MFHAS1: variants seen among roughly 807,000 people sequenced by gnomAD.
The protein encoded by MFHAS1 is multifunctional ROCO family signaling regulator 1, also known as malignant fibrous histiocytoma-amplified sequence 1.
MFHAS1 carries 50 observed loss-of-function variants against 70.4 expected under a neutral mutation model. The observed-to-expected ratio is 0.71, with a 90% CI of 0.57 to 0.90. The LOEUF (loss-of-function observed/expected upper bound fraction) is 0.90. MFHAS1 is among the 40% of genes least tolerant of loss of function. The probability of loss-of-function intolerance (pLI) is 0.00; values close to 1 mark genes in which losing one functional copy is unlikely to be tolerated. For synonymous variants in MFHAS1, 952 were observed against 620.0 expected (o/e 1.54, Z -7.96); for missense variants, 1,795 against 1,347.6 (o/e 1.33, Z -5.20).
In MFHAS1 at chr8:8,890,452, G is replaced by C. The variant is rs1214884345; in HGVS notation, c.2607C>G (p.Asn869Lys). The C allele has an allele frequency of 2.5e-6, 4 of 1,613,922 alleles. No homozygotes were observed. Among genetic ancestry groups the C allele is most frequent in the Non-Finnish European group, 3.4e-6 (4 of 1,180,040 alleles). The change falls in exon 1 of 3, where the codon AAC (asparagine) becomes AAG (lysine). Residue 869 changes from asparagine (N) to lysine (K), a missense_variant. Coordinates refer to ENST00000276282, the MANE Select transcript of MFHAS1 (RefSeq NM_004225.3). ...CAGCCACAAAAGACTGCCCAGCTAG[G>C]TTGGTCCCATTAATCCAGGCTTCTG... ...PHAEAWINGT[N>K]LAGQSFVAEQ...
intron 1 of MFHAS1, among the ~76,000 whole-genome samples, chr8:8,855,137 TGA>T (rs1362509749): frequency 1.3e-5 from 2 of 152,162 alleles, no homozygotes; most frequent in Admixed American, 1.3e-4. Context: ...TATTTCTTGT[TGA>T]GAGAGGTCTC....
intron 2 of MFHAS1, among the ~76,000 whole-genome samples, chr8:8,795,497 G>C (rs772514637): frequency 6.6e-6 from 1 of 152,228 alleles, no homozygotes; most frequent in Non-Finnish European, 1.5e-5. Flanking sequence ...ATTAAACTAT[G>C]CACATGATAG....
At chr8:8,797,031 C>G (rs4841041) in intron 2 of MFHAS1, among the ~76,000 whole-genome samples, 119,119 of 151,726 alleles carry the variant, frequency 0.79, 46,867 homozygotes, top group East Asian at 0.91. Context: ...CTTTTTGGTT[C>G]CATATACCTG....
At chr8:8,811,688 C>A (rs1028804749) in intron 1 of MFHAS1, among the ~76,000 whole-genome samples, 1 of 152,226 alleles carries the variant, frequency 6.6e-6, no homozygotes, top group Non-Finnish European at 1.5e-5. Context: ...ATTTTCCTTA[C>A]TCACTGTGGG....
At chr8:8,796,860 G>C (rs1340128051) in intron 2 of MFHAS1, among the ~76,000 whole-genome samples, 3 of 151,206 alleles carry the variant, frequency 2.0e-5, no homozygotes, top group Non-Finnish European at 4.4e-5. Flanking sequence ...GCTGGGCATG[G>C]TGGTGGGCGC....
Position 8,785,847 on chromosome 8 carries a change from C to A in MFHAS1, c.*175G>T, listed in dbSNP as rs1421963184. 5 of 501,476 alleles carry A rather than the reference C, an allele frequency of 1.0e-5. No homozygotes were observed. In the East Asian group the frequency reaches 1.1e-4, roughly 11 times the overall value. The allele number at this position is 501,476 out of a possible 1,614,324, so 31.1% of individuals were successfully genotyped here. ...CCATGTTCTCGTCCATGCTTCCCCCCACCACCCCCTCCCCACCTCTTCCCC... is the reference window on the plus strand; with the variant it reads ...CCATGTTCTCGTCCATGCTTCCCCCAACCACCCCCTCCCCACCTCTTCCCC... On this transcript the variant is annotated 3_prime_UTR_variant, in exon 3 of 3. Coordinates refer to ENST00000276282, the MANE Select transcript of MFHAS1 (RefSeq NM_004225.3).
intron 1 of MFHAS1, among the ~76,000 whole-genome samples, chr8:8,822,552 A>G (rs1807000574): frequency 6.9e-6 from 1 of 144,972 alleles, no homozygotes; most frequent in African/African-American, 2.6e-5. Flanking sequence ...GGAGACAGTG[A>G]CCCAAGTCAG....
At chr8:8,804,815 G>A (rs1315664327) in intron 1 of MFHAS1, among the ~76,000 whole-genome samples, 9 of 152,348 alleles carry the variant, frequency 5.9e-5, no homozygotes, top group South Asian at 2.1e-4. Flanking sequence ...GATGACGGGC[G>A]CCTTTCAGTT....
intron 1 of MFHAS1, among the ~76,000 whole-genome samples, chr8:8,806,118 G>A (rs1563182004): frequency 6.6e-6 from 1 of 152,082 alleles, no homozygotes; most frequent in East Asian, 1.9e-4. Flanking sequence ...TCTTCCTCCT[G>A]CTTTCTCTGT....
chr8:8,834,041 G>A lies in MFHAS1; in HGVS notation c.2999-36550C>T, dbSNP rs113658248. On this transcript the variant is annotated intron_variant, in intron 1 of 2. Transcript: ENST00000276282. ...CTCAGGAGGTTGAGGCATGAGAATC[G>A]CTTGAACCCGGGAGGCGGAGGCTGC... 5.9e-3 allele frequency among the ~76,000 whole-genome samples: 896 copies of A among 152,082 alleles called. 5 individuals are homozygous for A. The highest frequency in any genetic ancestry group is 9.6e-3 in the Non-Finnish European group (656 of 67,984).
intron 1 of MFHAS1, among the ~76,000 whole-genome samples, chr8:8,812,698 G>C (rs1806594338): frequency 6.6e-6 from 1 of 152,176 alleles, no homozygotes; most frequent in Non-Finnish European, 1.5e-5. Context: ...TTTGCTTTGT[G>C]CTTGTTTTTG....
chr8:8,889,860 G>A (rs1008307735), intron 1 of MFHAS1, among the ~76,000 whole-genome samples: 1 of 152,178 alleles, frequency 6.6e-6, no homozygotes, highest in Non-Finnish European at 1.5e-5. Context: ...GTTAGGAGAG[G>A]ATGACACTTG....
intron 1 of MFHAS1, among the ~76,000 whole-genome samples, chr8:8,801,688 A>G (rs369735185): frequency 6.6e-6 from 1 of 152,216 alleles, no homozygotes; most frequent in East Asian, 1.9e-4. Flanking sequence ...AATAAAGTGC[A>G]TTATTTCACT....
At chr8:8,792,871 G>T (rs2117249114) in intron 2 of MFHAS1, among the ~76,000 whole-genome samples, 1 of 152,278 alleles carries the variant, frequency 6.6e-6, no homozygotes, top group African/African-American at 2.4e-5. Flanking sequence ...TCCTTGAGGA[G>T]GCCAGAATTT....
intron 1 of MFHAS1, among the ~76,000 whole-genome samples, chr8:8,809,368 G>C (rs1307864648): frequency 6.6e-6 from 1 of 152,192 alleles, no homozygotes; most frequent in Non-Finnish European, 1.5e-5. Context: ...CATACAGTGA[G>C]ATGCACACAC....
chr8:8,854,673 G>T (rs1456949404), intron 1 of MFHAS1, among the ~76,000 whole-genome samples: 1 of 129,250 alleles, frequency 7.7e-6, no homozygotes. Flanking sequence ...TGACAGAGGG[G>T]GACTTTGTCT....
rs200125970 is a variant in MFHAS1 at position 8,791,116 on chromosome 8, A to G, written c.3126-5061T>C. The stretch of plus-strand genomic sequence containing the variant: ...TTAGCTCAACCATTTTCAAACCACC[A>G]CCCCACCCGTTTTTTTTTTTTTTTT... On this transcript the variant is annotated intron_variant, in intron 2 of 2. Transcript: ENST00000276282. Among the ~76,000 whole-genome samples the G allele has an allele frequency of 2.8e-3, 373 of 131,798 alleles. 1 individual carries two copies. Among genetic ancestry groups the G allele is most frequent in the African/African-American group, 0.011 (353 of 32,952 alleles). 86.5% of individuals were successfully genotyped at this position (131,798 alleles called of 152,430 possible). A position where few individuals can be genotyped will look rare whatever the true frequency, so the allele number is the denominator to read the frequency against.
chr8:8,825,244 C>T (rs1285364102), intron 1 of MFHAS1, among the ~76,000 whole-genome samples: 1 of 152,232 alleles, frequency 6.6e-6, no homozygotes, highest in Non-Finnish European at 1.5e-5. Flanking sequence ...GCAATCTCTG[C>T]TCACTGCAAC....
chr8:8,813,965 G>A (rs959370821), intron 1 of MFHAS1, among the ~76,000 whole-genome samples: 3 of 148,580 alleles, frequency 2.0e-5, no homozygotes, highest in African/African-American at 7.5e-5. Flanking sequence ...TTGAGACAGA[G>A]TATTGCTCTG....
Sources: allele counts gnomAD v4.1 joint callset (sites outside exome capture counted in the v4.1 genomes callset), GRCh38; gene constraint gnomAD v4.1.1; transcripts MANE v1.5; gene names NCBI Gene and HGNC (gene_info 2026-07-23, HGNC 2026-07-21).